OPLAH: variants seen among roughly 807,000 people sequenced by gnomAD.
OPLAH encodes the protein 5-oxoprolinase.
OPLAH carries 103 observed loss-of-function variants against 122.8 expected under a neutral mutation model. The observed-to-expected ratio is 0.84, with a 90% CI of 0.71 to 0.99. The LOEUF is 0.99. Among genes scored for constraint, OPLAH ranks in the 50% least tolerant of loss-of-function variants. The pLI is 0.00. For synonymous variants in OPLAH, 875 were observed against 796.0 expected, an observed-to-expected ratio of 1.10 and a Z score of -1.67; for missense variants, 1,902 against 1,836.5, an observed-to-expected ratio of 1.04 and a Z score of -0.65.
intron 26 of OPLAH, 24 bp from the exon 27 acceptor site, chr8:144,051,496 G>GTCCTCCGGGTCCCCAT: frequency 1.6e-6 from 2 of 1,250,476 alleles, no homozygotes; most frequent in Non-Finnish European, 2.2e-6. Flanking sequence ...GGGGGGCGGG[G>GTCCTCCGGGTCCCCAT]AGGCGGGCTC....
At chr8:144,058,179 T>C in intron 7 of OPLAH, 31 bp from the exon 8 acceptor site, 1 of 1,610,148 alleles carries the variant, frequency 6.2e-7, no homozygotes, top group Non-Finnish European at 8.5e-7. Flanking sequence ...GTGGGTCACT[T>C]GAAGACCCAG....
At chr8:144,060,295 G>T (rs1292797741) in intron 1 of OPLAH, among the ~76,000 whole-genome samples, 1 of 152,250 alleles carries the variant, frequency 6.6e-6, no homozygotes, top group Non-Finnish European at 1.5e-5. Flanking sequence ...CCAGCATCGC[G>T]CTTCTCCGGG....
At chr8:144,061,046 G>C (rs1835654494), upstream of OPLAH, among the ~76,000 whole-genome samples, 1 of 152,246 alleles carries the variant, frequency 6.6e-6, no homozygotes, top group African/African-American at 2.4e-5. Context: ...AGAGAGGAGA[G>C]GGGAGGCCCT....
chr8:144,059,200 AG>A lies in OPLAH; in HGVS notation c.364-122del, dbSNP rs564587055. On this transcript the variant is annotated intron_variant, in intron 3 of 26. Coordinates refer to ENST00000618853, the MANE Select transcript of OPLAH (RefSeq NM_017570.5). ...ACAGGCCGGTCGGCAGGCCCAGGAG[AG>A]TCATACCTGGCAGCCCCAGCAAGGC... 1,594 of 816,070 alleles carry A rather than the reference AG, an allele frequency of 2.0e-3. 2 individuals carry two copies. Among genetic ancestry groups the A allele is most frequent in the South Asian group, 2.9e-3 (172 of 58,536 alleles). The allele number at this position is 816,070 out of a possible 1,614,324, so 50.6% of individuals were successfully genotyped here. A position where few individuals can be genotyped will look rare whatever the true frequency, so the allele number is the denominator to read the frequency against.
In OPLAH at chr8:144,059,677, C is replaced by A; in HGVS notation, c.285G>T (p.Arg95=). 3 of 1,612,556 alleles carry A rather than the reference C, an allele frequency of 1.9e-6. No individual in the cohort carries two copies. The highest frequency in any genetic ancestry group is 2.5e-6 in the Non-Finnish European group (3 of 1,179,822). The part of the protein sequence containing the change: ...TNALLERKGE[R]VALLVTRGFR... ...AGCCACGTGTCACCAGCAGCGCCAC[C>A]CGCTCCCCCTTCCGCTCCAGCAGTG... is the stretch of plus-strand genomic sequence containing the variant. The change falls in exon 3 of 27, where the codon CGG becomes CGT. Residue 95 remains arginine, a synonymous_variant. Coordinates refer to ENST00000618853, the MANE Select transcript of OPLAH (RefSeq NM_017570.5).
At chr8:144,051,032 G>A (rs1260619043), downstream of OPLAH, 2 of 1,250,816 alleles carry the variant, frequency 1.6e-6, no homozygotes, top group African/African-American at 3.2e-5. Flanking sequence ...GTCGGCGCCT[G>A]GACTACATCA....
At position 144,059,641 on chromosome 8, in the gene OPLAH, C is replaced by T; in HGVS notation, c.321G>A (p.Leu107=). 1 of 1,612,268 alleles carries T rather than the reference C, an allele frequency of 6.2e-7. No homozygotes were observed. The highest frequency in any genetic ancestry group is 8.5e-7 in the Non-Finnish European group (1 of 1,179,524). The change falls in exon 3 of 27, where the codon CTG becomes CTA. Residue 107 remains leucine (L), a synonymous_variant. Transcript: ENST00000618853. ...CACGGGCTTGGGTGCCAATGTGCAG[C>T]AGGTCTCGGAAGCCACGTGTCACCA... ...ALLVTRGFRD[L]LHIGTQARGD... is the part of the protein sequence containing the mutation.
At chr8:144,054,414 C>T in intron 19 of OPLAH, 147 bp downstream of exon 19, 2 of 847,478 alleles carry the variant, frequency 2.4e-6, no homozygotes, top group Non-Finnish European at 3.5e-6. Context: ...TCTGCAGCTG[C>T]CCTTTGGGGT....
rs1554760065 is a variant in OPLAH, at chr8:144,058,580, G to C, written c.699C>G (p.His233Gln). 6.2e-7 allele frequency: 1 copy of C among 1,602,378 alleles called. No individual in the cohort carries two copies. Among genetic ancestry groups the C allele is most frequent in the Non-Finnish European group, 8.5e-7 (1 of 1,179,304 alleles). ...TGAGGTAGGCGTCGGCACAGGCCGT[G>C]TGCCCCCGAGGGACGATGCGCACCA... Reference protein sequence around the residue: ...MPMVRIVPRGHTACADAYLTP... With the variant: ...MPMVRIVPRGQTACADAYLTP... The change falls in exon 6 of 27, where the codon CAC becomes CAG. Residue 233 changes from histidine (H) to glutamine (Q), a missense_variant. This residue lies in a region of OPLAH where 1,726 missense variants were observed against 1,642.1 expected (regional missense o/e 1.05). Coordinates refer to ENST00000618853, the MANE Select transcript of OPLAH (RefSeq NM_017570.5).
chr8:144,052,975 C>T lies in OPLAH; in HGVS notation c.3018+8G>A, dbSNP rs1554758083. 6.3e-7 allele frequency: 1 copy of T among 1,592,944 alleles called. No homozygotes were observed. The highest frequency in any genetic ancestry group is 8.5e-7 in the Non-Finnish European group (1 of 1,169,884). Reference sequence around the variant, plus strand: ...CTGCCGCCTAGAGGCACTCTCCCCACGGCCCACCTGACTCAGGCTGATCTG... The same window carrying T: ...CTGCCGCCTAGAGGCACTCTCCCCATGGCCCACCTGACTCAGGCTGATCTG... On this transcript the variant is annotated splice_region_variant and intron_variant, in intron 21 of 26. Coordinates refer to ENST00000618853, the MANE Select transcript of OPLAH (RefSeq NM_017570.5).
Position 144,056,515 on chromosome 8 carries a change from C to T in OPLAH, c.1853G>A (p.Arg618Lys). The change falls in exon 14 of 27, where the codon AGG (arginine) becomes AAG (lysine). Residue 618 changes from arginine (R) to lysine (K), a missense_variant. Arg to Lys is a conservative substitution (Grantham distance 26, BLOSUM62 2). Coordinates refer to ENST00000618853, the MANE Select transcript of OPLAH (RefSeq NM_017570.5). ...CTCAGGTATGACAAAGCCAAACTCC[C>T]TCATGTACCTGCACTCCCCGCGGGG... ...FGAAFVERYM[R>K]EFGFVIPERP... The T allele has an allele frequency of 2.5e-6, 4 of 1,611,896 alleles. No individual in the cohort carries two copies. The highest frequency in any genetic ancestry group is 2.2e-5 in the South Asian group (2 of 91,024).
chr8:144,052,425 G>C, intron 23 of OPLAH, 24 bp downstream of exon 23: 1 of 1,531,318 alleles, frequency 6.5e-7, no homozygotes, highest in Non-Finnish European at 8.7e-7. Flanking sequence ...CCGCCCCCGA[G>C]CTGCGCCCAC....
In OPLAH at chr8:144,056,271, G is replaced by A. The variant is rs1554759025; in HGVS notation, c.1984-12C>T. ...TAGCACTGGGTCATCTGCAGAGGGT[G>A]CGGGTGAGTACAGCGCCCGGGCCCA... is the stretch of plus-strand genomic sequence containing the variant. On this transcript the variant is annotated splice_polypyrimidine_tract_variant and intron_variant, in intron 14 of 26. Coordinates refer to ENST00000618853, the MANE Select transcript of OPLAH (RefSeq NM_017570.5). 3.7e-6 allele frequency: 6 copies of A among 1,608,250 alleles called. No homozygotes were observed. In the Admixed American group the frequency reaches 1.0e-4, roughly 27 times the overall value.
Position 144,056,365 on chromosome 8 carries a change from G to A in OPLAH, c.1983+20C>T, listed in dbSNP as rs781971702. ...GTGCCCCATGGGTGCTGTCAGGCTG[G>A]CACAGGCAGGACCACCAACCTTGTC... On this transcript the variant is annotated intron_variant, in intron 14 of 26. Transcript: ENST00000618853. 2.5e-6 allele frequency: 4 copies of A among 1,597,536 alleles called. No homozygotes were observed. Among genetic ancestry groups the A allele is most frequent in the Admixed American group, 1.7e-5 (1 of 58,588 alleles).
chr8:144,051,479 G>T lies in OPLAH; in HGVS notation c.3721-7C>A. On this transcript the variant is annotated splice_polypyrimidine_tract_variant and splice_region_variant and intron_variant, in intron 26 of 26. Coordinates refer to ENST00000618853, the MANE Select transcript of OPLAH (RefSeq NM_017570.5). ...TGTGGAGACAGAACACATCCTGTTG[G>T]CGCGGGGGGGGGCGGGGAGGCGGGC... The T allele has an allele frequency of 6.8e-7, 1 of 1,463,434 alleles. No homozygotes were observed. Among genetic ancestry groups the T allele is most frequent in the Admixed American group, 2.4e-5 (1 of 41,060 alleles). The allele number at this position is 1,463,434 out of a possible 1,614,324, so 90.7% of individuals were successfully genotyped here.
intron 12 of OPLAH, 35 bp downstream of exon 12, chr8:144,056,913 G>GT (rs1473933992): frequency 6.5e-7 from 1 of 1,545,616 alleles, no homozygotes; most frequent in East Asian, 2.4e-5. Flanking sequence ...TGAGGACAAC[G>GT]TAAGCCCTCT....
At position 144,052,813 on chromosome 8, in the gene OPLAH, T is replaced by A. The variant is rs1322316488; in HGVS notation, c.3106A>T (p.Ile1036Phe). The A allele has an allele frequency of 1.9e-6, 3 of 1,561,464 alleles. No individual in the cohort carries two copies. In the African/African-American group the frequency reaches 4.1e-5, roughly 21 times the overall value. Residue 1036 changes from isoleucine (I) to phenylalanine (F), a missense_variant, in exon 22 of 27, where the codon ATC becomes TTC. By Grantham distance (21) the Ile-to-Phe change is conservative. This residue lies in a region of OPLAH where 1,726 missense variants were observed against 1,642.1 expected (regional missense o/e 1.05). Coordinates refer to ENST00000618853, the MANE Select transcript of OPLAH (RefSeq NM_017570.5). ...CCCACCAGACAGCGCAGGCAGTAGA[T>A]GAGGGCGGACAGGGTTACGGCCCGC... The part of the protein sequence containing the change: ...APRAVTLSAL[I>F]YCLRCLVGRD...
rs782138728 is a variant in OPLAH at position 144,054,547 on chromosome 8, C to A, written c.2686+14G>T. The A allele has an allele frequency of 6.4e-7, 1 of 1,564,226 alleles. No individual in the cohort carries two copies. Among genetic ancestry groups the A allele is most frequent in the Non-Finnish European group, 8.7e-7 (1 of 1,150,138 alleles). ...CAGCCTACAGAAGGCCTGCCCCACC[C>A]CACTCCCACTCACCCTCCTCCTGGA... On this transcript the variant is annotated intron_variant, in intron 19 of 26. Transcript: ENST00000618853.
chr8:144,050,681 AGCCCTGG>A, downstream of OPLAH: 6 of 985,046 alleles, frequency 6.1e-6, no homozygotes, highest in South Asian at 2.8e-4. Context: ...CGCCAAGAGC[AGCCCTGG>A]GCCCTGGGTA....
Sources: allele counts gnomAD v4.1 joint callset (sites outside exome capture counted in the v4.1 genomes callset), GRCh38; gene constraint gnomAD v4.1.1; regional missense constraint gnomAD v4.1.1; transcripts MANE v1.5; gene names NCBI Gene and HGNC (gene_info 2026-07-23, HGNC 2026-07-21).